LILRA4: variants seen among roughly 807,000 people sequenced by gnomAD.
LILRA4 encodes the protein leukocyte immunoglobulin like receptor A4.
A neutral mutation model predicts 49.5 loss-of-function variants in LILRA4; 51 were observed. The ratio of observed to expected loss-of-function variants is 1.03; its 90% CI spans 0.82 to 1.30. The LOEUF is 1.30. LILRA4 is among the 50% of genes most tolerant of loss of function. LILRA4 has a pLI of 0.00. For missense variants in LILRA4, 624 were observed against 625.6 expected (o/e 1.00, Z 0.03); for synonymous variants, 272 against 265.6 (o/e 1.02, Z -0.23).
rs1328811004 is a variant in LILRA4 at position 54,337,710 on chromosome 19, TGAGTTGGGACTCG to T, written c.656-27_656-15del. ...TCCTAGACACGCCTGGAGGGAAAGA[TGAGTTGGGACTCG>T]GAGCGGCTGGTTCCTCCTGCGCCCC... On this transcript the variant is annotated splice_polypyrimidine_tract_variant and intron_variant, in intron 4 of 7. Coordinates refer to ENST00000291759, the MANE Select transcript of LILRA4 (RefSeq NM_012276.5). 1.2e-6 allele frequency: 2 copies of T among 1,609,786 alleles called. No individual in the cohort carries two copies. The highest frequency in any genetic ancestry group is 1.7e-6 in the Non-Finnish European group (2 of 1,178,746).
chr19:54,335,631 T>G (rs1430770515), intron 6 of LILRA4: 1 of 152,152 alleles, frequency 6.6e-6, no homozygotes, highest in African/African-American at 2.4e-5. Context: ...TCCAAGGCAG[T>G]TGGGATTCAG....
Position 54,337,674 on chromosome 19 carries a change from G to A in LILRA4, c.678C>T (p.Leu226=), listed in dbSNP as rs995274213. 3 of 1,612,944 alleles carry A rather than the reference G, an allele frequency of 1.9e-6. No homozygotes were observed. The highest frequency in any genetic ancestry group is 8.5e-7 in the Non-Finnish European group (1 of 1,179,686). Residue 226 remains leucine, a synonymous_variant, in exon 5 of 8, where the codon CTC becomes CTT. Coordinates refer to ENST00000291759, the MANE Select transcript of LILRA4 (RefSeq NM_012276.5). The part of the protein sequence containing the change: ...LVSGVSRKPS[L]LTLQGPVVTP... ...TCACGACAGGGCCCTGCAGGGTCAG[G>A]AGGGAGGGCTTCCTAGACACGCCTG...
In LILRA4 at chr19:54,337,137, ATCTG is replaced by A. The variant is rs746466675; in HGVS notation, c.955_958del (p.Gln319SerfsTer15). ...CACTGAGAGGGAGGGTCTGTCAGAG[ATCTG>A]TCCTGGAGAAAAGAAGGACGGGTGA... On this transcript the variant is annotated frameshift_variant and splice_region_variant, in exon 6 of 8. Transcript: ENST00000291759. LOFTEE classifies it high-confidence loss of function. The A allele has an allele frequency of 3.1e-6, 5 of 1,612,478 alleles. No homozygotes were observed. The highest frequency in any genetic ancestry group is 4.2e-6 in the Non-Finnish European group (5 of 1,179,140).
chr19:54,333,805 G>C, intron 7 of LILRA4, 40 bp from the exon 8 acceptor site: 1 of 1,613,198 alleles, frequency 6.2e-7, no homozygotes, highest in Non-Finnish European at 8.5e-7. Flanking sequence ...GGTCAGGGCA[G>C]ATCACAATTA....
rs143736043 is a variant in LILRA4, at chr19:54,338,003, G to A, written c.588C>T (p.Tyr196=). 351 of 1,613,984 alleles carry A rather than the reference G, an allele frequency of 2.2e-4. No homozygotes were observed. In the East Asian group the frequency reaches 6.8e-3, roughly 31 times the overall value. ...TFSNRGTFRC[Y]GYENNTPYVW... ...CGTATGGGGTGTTGTTTTCATAGCC[G>A]TAGCATCTGAATGTACCCCTGTTGC... The change falls in exon 4 of 8, where the codon TAC becomes TAT. Residue 196 remains tyrosine (Y), a synonymous_variant. Transcript: ENST00000291759.
chr19:54,335,117 T>C (rs2081310448), intron 6 of LILRA4: 1 of 152,224 alleles, frequency 6.6e-6, no homozygotes, highest in Non-Finnish European at 1.5e-5. Flanking sequence ...TATATTCATA[T>C]AAAATATATG....
Position 54,337,122 on chromosome 19 carries a change from G to GT in LILRA4, c.973_974insA (p.Ser325TyrfsTer51). The GT allele has an allele frequency of 6.2e-7, 1 of 1,611,982 alleles. No homozygotes were observed. Among genetic ancestry groups the GT allele is most frequent in the African/African-American group, 1.3e-5 (1 of 74,968 alleles). ...CGTGGGGCCCGGCTGCACTGAGAGG[G>GT]AGGGTCTGTCAGAGATCTGTCCTGG... On this transcript the variant is annotated frameshift_variant, in exon 6 of 8. Coordinates refer to ENST00000291759, the MANE Select transcript of LILRA4 (RefSeq NM_012276.5). LOFTEE classifies it high-confidence loss of function.
chr19:54,336,976 G>A lies in LILRA4; in HGVS notation c.1120C>T (p.His374Tyr). The change falls in exon 6 of 8, where the codon CAT becomes TAT. Residue 374 changes from histidine to tyrosine, a missense_variant. Transcript: ENST00000291759. ...PLRLRSMYGA[H>Y]KYQAEFPMSP... ...ATGGGGAATTCAGCCTGGTACTTAT[G>A]AGCTCCGTACATTGATCTCAGACGC... 1 of 1,614,210 alleles carries A rather than the reference G, an allele frequency of 6.2e-7. No individual in the cohort carries two copies.
In LILRA4 at chr19:54,338,682, T is replaced by G; in HGVS notation, c.71-2A>C. 2 of 1,605,000 alleles carry G rather than the reference T, an allele frequency of 1.2e-6. No homozygotes were observed. Among genetic ancestry groups the G allele is most frequent in the Non-Finnish European group, 1.7e-6 (2 of 1,175,186 alleles). On this transcript the variant is annotated splice_acceptor_variant, in intron 2 of 7. Coordinates refer to ENST00000291759, the MANE Select transcript of LILRA4 (RefSeq NM_012276.5). LOFTEE classifies it high-confidence loss of function. ...ACAGGATGGGTTTGAGTAGGTTTTC[T>G]GGAAGGAAATTACAGGTTAGGTCCC...
intron 2 of LILRA4, 61 bp from the exon 3 acceptor site, chr19:54,338,741 GC>G: frequency 6.3e-7 from 1 of 1,586,676 alleles, no homozygotes; most frequent in Non-Finnish European, 8.6e-7. Context: ...CCAGCTCTCA[GC>G]CCCAGGACCC....
chr19:54,333,775 G>C lies in LILRA4; in HGVS notation c.1307-10C>G, dbSNP rs1393611939. The C allele has an allele frequency of 3.1e-6, 5 of 1,614,084 alleles. No individual in the cohort carries two copies. The Admixed American group carries it at 6.7e-5, about 22-fold the overall frequency. On this transcript the variant is annotated splice_polypyrimidine_tract_variant and intron_variant, in intron 7 of 7. Coordinates refer to ENST00000291759, the MANE Select transcript of LILRA4 (RefSeq NM_012276.5). ...TCCTGGAGGTGTGGGGCTAGGGATG[G>C]TGGACAAAGAGGTCACAGAGGTCAG...
At position 54,333,701 on chromosome 19, in the gene LILRA4, C is replaced by T. The variant is rs1053926755; in HGVS notation, c.1371G>A (p.Leu457=). ...CAAATAACAGAATCCCGAGGAACAG[C>T]AGGACCAAGCCAGCCACACCCATGC... ...LIRMGVAGLV[L]LFLGILLFEA... is the part of the protein sequence containing the mutation. Residue 457 remains leucine, a synonymous_variant, in exon 8 of 8, where the codon CTG becomes CTA. Transcript: ENST00000291759. The T allele has an allele frequency of 2.0e-5, 32 of 1,614,004 alleles. No individual in the cohort carries two copies. The Admixed American group carries it at 4.0e-4, about 20-fold the overall frequency.
In LILRA4 at chr19:54,336,983, G is replaced by A. The variant is rs750646142; in HGVS notation, c.1113C>T (p.Tyr371=). 6.8e-5 allele frequency: 109 copies of A among 1,608,584 alleles called. No homozygotes were observed. Among genetic ancestry groups the A allele is most frequent in the Non-Finnish European group, 6.9e-5 (81 of 1,176,848 alleles). Residue 371 remains tyrosine, a synonymous_variant, in exon 6 of 8, where the codon TAC becomes TAT. Coordinates refer to ENST00000291759, the MANE Select transcript of LILRA4 (RefSeq NM_012276.5). ...ATTCAGCCTGGTACTTATGAGCTCC[G>A]TACATTGATCTCAGACGCAACGGGG... is the stretch of plus-strand genomic sequence containing the variant. The part of the protein sequence containing the change: ...AHPPLRLRSM[Y]GAHKYQAEFP...
Position 54,333,651 on chromosome 19 carries a change from G to T in LILRA4, c.1421C>A (p.Pro474His). The T allele has an allele frequency of 6.2e-7, 1 of 1,614,094 alleles. No homozygotes were observed. Among genetic ancestry groups the T allele is most frequent in the East Asian group, 2.2e-5 (1 of 44,876 alleles). The change falls in exon 8 of 8, where the codon CCC becomes CAC. Residue 474 changes from proline (P) to histidine (H), a missense_variant. Pro to His is a moderately conservative substitution (Grantham distance 77). Coordinates refer to ENST00000291759, the MANE Select transcript of LILRA4 (RefSeq NM_012276.5). ...GTTTGCCTCCTGGCTGCACCTTGGG[G>T]GGCTTCTCTGGCTGTGCTGAGCCTC... ...LFEAQHSQRSPPRCSQEANSR... is the reference protein window; with the variant it reads ...LFEAQHSQRSHPRCSQEANSR...
Position 54,333,656 on chromosome 19 carries a change from T to C in LILRA4, c.1416A>G (p.Arg472=), listed in dbSNP as rs139209750. ...ILLFEAQHSQ[R]SPPRCSQEAN... is the part of the protein sequence containing the mutation. ...CCTCCTGGCTGCACCTTGGGGGGCT[T>C]CTCTGGCTGTGCTGAGCCTCAAATA... Residue 472 remains arginine, a synonymous_variant, in exon 8 of 8, where the codon AGA becomes AGG. Transcript: ENST00000291759. 775 of 1,614,130 alleles carry C rather than the reference T, an allele frequency of 4.8e-4. 4 individuals carry two copies. In the African/African-American group the frequency reaches 8.6e-3, roughly 18 times the overall value.
intron 6 of LILRA4, 126 bp downstream of exon 6, chr19:54,336,715 C>A: frequency 7.1e-7 from 1 of 1,417,254 alleles, no homozygotes; most frequent in South Asian, 1.4e-5. Flanking sequence ...TCACAAAGGC[C>A]GGGGCTGATG....
intron 3 of LILRA4, 58 bp downstream of exon 3, chr19:54,338,338 A>G: frequency 6.2e-7 from 1 of 1,606,450 alleles, no homozygotes; most frequent in Admixed American, 1.7e-5. Context: ...GAGAGCTGAG[A>G]GCCGACCCCC....
chr19:54,334,024 T>C, intron 6 of LILRA4, 59 bp from the exon 7 acceptor site: 3 of 1,354,308 alleles, frequency 2.2e-6, no homozygotes, highest in Admixed American at 3.4e-5. Context: ...CCCTGGGCAA[T>C]GCATTCTTAT....
chr19:54,338,949 GTCT>G (rs779598634), intron 1 of LILRA4, 48 bp from the exon 2 acceptor site: 56 of 1,613,686 alleles, frequency 3.5e-5, no homozygotes, highest in African/African-American at 4.0e-5. Flanking sequence ...GCCTGAGCAG[GTCT>G]TCTTCTTTTC....
Sources: allele counts gnomAD v4.1 joint callset, GRCh38; gene constraint gnomAD v4.1.1; transcripts MANE v1.5; gene names NCBI Gene and HGNC (gene_info 2026-07-23, HGNC 2026-07-21).